Variants in CAB39 observed in about 807,000 individuals in gnomAD.
CAB39 encodes the protein calcium binding protein 39.
In CAB39, 8 loss-of-function variants were observed where a neutral mutation model predicts 40.0. That is an observed-to-expected ratio of 0.20 (90% confidence interval 0.12 to 0.36). The LOEUF (loss-of-function observed/expected upper bound fraction) is 0.36. Ranked by LOEUF, CAB39 falls within the 10% of genes least tolerant of loss-of-function variation. The pLI is 1.00. For missense variants in CAB39, 270 were observed against 401.1 expected (o/e 0.67, Z 2.79); for synonymous variants, 156 against 141.6 (o/e 1.10, Z -0.72).
chr2:230,726,479 G>T (rs1271702699), intron 1 of CAB39, among the ~76,000 whole-genome samples: 1 of 151,898 alleles, frequency 6.6e-6, no homozygotes, highest in African/African-American at 2.4e-5. Flanking sequence ...GTCTCATTTT[G>T]ATGTTTTTAT....
At chr2:230,781,229 A>G (rs982715483) in intron 2 of CAB39, among the ~76,000 whole-genome samples, 2 of 152,194 alleles carry the variant, frequency 1.3e-5, no homozygotes, top group African/African-American at 4.8e-5. Flanking sequence ...AGAAAGTCTT[A>G]TGTTAATATA....
At chr2:230,794,854 A>C (rs1695954009) in intron 4 of CAB39, among the ~76,000 whole-genome samples, 1 of 152,262 alleles carries the variant, frequency 6.6e-6, no homozygotes, top group Admixed American at 6.5e-5. Context: ...CTCAGTATGC[A>C]TCCCTAGTAC....
At chr2:230,735,150 G>T (rs1694764296) in intron 1 of CAB39, among the ~76,000 whole-genome samples, 1 of 151,998 alleles carries the variant, frequency 6.6e-6, no homozygotes, top group Non-Finnish European at 1.5e-5. Context: ...TACAAGTAGA[G>T]CTCAGCCATT....
At chr2:230,778,516 CAA>C (rs1219745611) in intron 2 of CAB39, among the ~76,000 whole-genome samples, 1 of 152,158 alleles carries the variant, frequency 6.6e-6, no homozygotes, top group Non-Finnish European at 1.5e-5. Context: ...GGATTTAAGT[CAA>C]GAGAGTTAAT....
At chr2:230,801,198 A>G (rs1220808197) in intron 5 of CAB39, among the ~76,000 whole-genome samples, 2 of 152,344 alleles carry the variant, frequency 1.3e-5, no homozygotes, top group East Asian at 3.9e-4. Flanking sequence ...CCAAGACAAC[A>G]TGTGAAAGAG....
intron 2 of CAB39, among the ~76,000 whole-genome samples, chr2:230,787,118 C>A (rs1325895759): frequency 6.6e-6 from 1 of 152,104 alleles, no homozygotes; most frequent in African/African-American, 2.4e-5. Context: ...CAAATAACTG[C>A]ATTTTCTCAT....
At chr2:230,813,804 G>A (rs1696346646) in intron 6 of CAB39, among the ~76,000 whole-genome samples, 1 of 151,908 alleles carries the variant, frequency 6.6e-6, no homozygotes, top group Non-Finnish European at 1.5e-5. Flanking sequence ...CTGGGAAGGG[G>A]CTCAGTCCCA....
chr2:230,807,326 C>T (rs548035798), intron 5 of CAB39, among the ~76,000 whole-genome samples: 3 of 152,104 alleles, frequency 2.0e-5, no homozygotes, highest in Non-Finnish European at 2.9e-5. Flanking sequence ...TGATTGTCCT[C>T]ATCTCCTCCT....
chr2:230,797,740 G>A lies in CAB39; in HGVS notation c.399-989G>A, dbSNP rs558097390. Among the ~76,000 whole-genome samples, 17 of 151,928 alleles carry A rather than the reference G, an allele frequency of 1.1e-4. No homozygotes were observed. The South Asian group carries it at 3.3e-3, about 30-fold the overall frequency. ...GGCAACAGGTGAAGACCTCAGCCAG[G>A]CAAGAAATGGGAACAGTCAGAGAGA... On this transcript the variant is annotated intron_variant, in intron 4 of 8. Coordinates refer to ENST00000258418, the MANE Select transcript of CAB39 (RefSeq NM_016289.4).
intron 6 of CAB39, 71 bp from the exon 7 acceptor site, chr2:230,813,978 C>CTTTTGTTTT: frequency 9.0e-6 from 1 of 111,338 alleles, no homozygotes; most frequent in South Asian, 8.4e-5. Context: ...ACCTACCAGT[C>CTTTTGTTTT]TTTTTTTTTT....
chr2:230,762,953 T>C (rs941379233), intron 2 of CAB39, among the ~76,000 whole-genome samples: 12 of 152,226 alleles, frequency 7.9e-5, no homozygotes, highest in Non-Finnish European at 1.5e-5. Context: ...AACTTTTGGG[T>C]CTCAAGACCC....
chr2:230,720,695 C>G (rs921474324), intron 1 of CAB39, among the ~76,000 whole-genome samples: 5 of 152,206 alleles, frequency 3.3e-5, no homozygotes, highest in Non-Finnish European at 5.9e-5. Flanking sequence ...GCTGGGGTTA[C>G]AGGCGTGAGC....
chr2:230,762,159 C>T (rs1323386960), intron 2 of CAB39, among the ~76,000 whole-genome samples: 6 of 152,098 alleles, frequency 3.9e-5, no homozygotes, highest in Non-Finnish European at 8.8e-5. Context: ...CCACCAGCCT[C>T]AGCCTCCCAA....
At chr2:230,762,847 T>G (rs1695319096) in intron 2 of CAB39, among the ~76,000 whole-genome samples, 1 of 152,166 alleles carries the variant, frequency 6.6e-6, no homozygotes, top group African/African-American at 2.4e-5. Context: ...AGCTGGACAG[T>G]AAATAAGTAA....
intron 6 of CAB39, among the ~76,000 whole-genome samples, chr2:230,811,461 G>A (rs889532318): frequency 6.6e-6 from 1 of 152,136 alleles, no homozygotes; most frequent in Non-Finnish European, 1.5e-5. Context: ...ATATGGGTGC[G>A]TTTCTTGTAT....
intron 1 of CAB39, among the ~76,000 whole-genome samples, chr2:230,742,133 C>T (rs1694887991): frequency 6.6e-6 from 1 of 151,670 alleles, no homozygotes; most frequent in South Asian, 2.1e-4. Flanking sequence ...AAAAGATTTA[C>T]AGATAAGTCT....
chr2:230,770,815 A>C (rs964302255), intron 2 of CAB39, among the ~76,000 whole-genome samples: 4 of 152,186 alleles, frequency 2.6e-5, no homozygotes, highest in Admixed American at 2.0e-4. Flanking sequence ...ATTGATGAAA[A>C]GGGGAAAAAA....
At chr2:230,793,101 A>T (rs1695918214) in intron 3 of CAB39, 112 bp from the exon 4 acceptor site, 7 of 624,700 alleles carry the variant, frequency 1.1e-5, no homozygotes, top group Non-Finnish European at 2.0e-5. Flanking sequence ...TTAAAGTCAG[A>T]TATTCAGTCA....
chr2:230,729,077 A>G (rs1032843403), intron 1 of CAB39, among the ~76,000 whole-genome samples: 3 of 152,214 alleles, frequency 2.0e-5, no homozygotes, highest in Non-Finnish European at 4.4e-5. Flanking sequence ...GAAGAAAGAG[A>G]TTATGCTTAT....
Sources: allele counts gnomAD v4.1 joint callset (sites outside exome capture counted in the v4.1 genomes callset), GRCh38; gene constraint gnomAD v4.1.1; transcripts MANE v1.5; gene names NCBI Gene and HGNC (gene_info 2026-07-23, HGNC 2026-07-21).